The following NELL1 variants were observed in gnomAD, a reference collection of about 807,000 sequenced individuals.
The protein encoded by NELL1 is protein kinase C-binding protein NELL1.
In NELL1, 76 loss-of-function variants were observed where a neutral mutation model predicts 107.4. The ratio of observed to expected loss-of-function variants is 0.71; its 90% CI spans 0.59 to 0.86. The LOEUF is 0.86. NELL1 is among the 40% of genes least tolerant of loss of function. The pLI, the probability that NELL1 is intolerant of heterozygous loss-of-function variation, is 0.00. For synonymous variants in NELL1, 353 were observed against 341.2 expected (o/e 1.03, Z -0.38); for missense variants, 1,024 against 1,005.5 (o/e 1.02, Z -0.25).
intron 3 of NELL1, among the ~76,000 whole-genome samples, chr11:20,798,775 C>G (rs1857224330): frequency 6.6e-6 from 1 of 152,178 alleles, no homozygotes; most frequent in Admixed American, 6.5e-5. Context: ...CAATGAATAT[C>G]CATGAGACCA....
intron 14 of NELL1, among the ~76,000 whole-genome samples, chr11:21,232,159 A>AAAAAAATAT (rs1554985116): frequency 1.2e-4 from 9 of 73,202 alleles, no homozygotes; most frequent in African/African-American, 4.6e-4. Flanking sequence ...AAAAAAAAAA[A>AAAAAAATAT]ATATATATAT....
At chr11:21,043,329 T>C (rs1292143683) in intron 12 of NELL1, among the ~76,000 whole-genome samples, 3 of 152,098 alleles carry the variant, frequency 2.0e-5, no homozygotes, top group Non-Finnish European at 4.4e-5. Context: ...GAGATGGATA[T>C]TAAATGAGAA....
At chr11:21,339,354 G>T (rs146130711) in intron 14 of NELL1, among the ~76,000 whole-genome samples, 1,986 of 152,254 alleles carry the variant, frequency 0.013, 46 homozygotes, top group African/African-American at 0.045. Context: ...GCTAAGAAGA[G>T]TCAAGGAAAG....
At chr11:21,293,193 A>G (rs1849308007) in intron 14 of NELL1, among the ~76,000 whole-genome samples, 1 of 152,206 alleles carries the variant, frequency 6.6e-6, no homozygotes, top group Admixed American at 6.5e-5. Context: ...CAAAGGGCTA[A>G]TATCCAGAAT....
chr11:21,327,482 T>C (rs561760034), intron 14 of NELL1, among the ~76,000 whole-genome samples: 2 of 152,262 alleles, frequency 1.3e-5, no homozygotes, highest in African/African-American at 4.8e-5. Flanking sequence ...TCCCCAGTCA[T>C]GCTGAACTGT....
At chr11:21,437,828 C>CT (rs1190860056) in intron 15 of NELL1, among the ~76,000 whole-genome samples, 3 of 152,016 alleles carry the variant, frequency 2.0e-5, no homozygotes, top group Admixed American at 6.6e-5. Flanking sequence ...ATATTTGGGT[C>CT]TTTTTTTAAA....
intron 12 of NELL1, among the ~76,000 whole-genome samples, chr11:21,017,821 A>G: frequency 6.6e-6 from 1 of 152,076 alleles, no homozygotes; most frequent in Admixed American, 6.6e-5. Flanking sequence ...GGAGCTCCCC[A>G]TCTTTCTATC....
chr11:20,911,177 C>T (rs1346837107), intron 5 of NELL1, among the ~76,000 whole-genome samples: 1 of 152,188 alleles, frequency 6.6e-6, no homozygotes, highest in Non-Finnish European at 1.5e-5. Flanking sequence ...ATACCTGGTA[C>T]AGACAGATAA....
chr11:21,188,731 G>A (rs964713878), intron 13 of NELL1, among the ~76,000 whole-genome samples: 5 of 151,830 alleles, frequency 3.3e-5, no homozygotes, highest in Admixed American at 2.6e-4. Flanking sequence ...CCATTTACCT[G>A]CTCTGAAGTG....
At chr11:20,689,271 TTTTTTTA>T (rs922891790) in intron 2 of NELL1, among the ~76,000 whole-genome samples, 3 of 95,480 alleles carry the variant, frequency 3.1e-5, no homozygotes, top group Non-Finnish European at 4.7e-5. Context: ...GCAGAAGCCC[TTTTTTTA>T]TTTTTTATTT....
intron 2 of NELL1, among the ~76,000 whole-genome samples, chr11:20,768,009 G>A (rs556953926): frequency 7.9e-5 from 12 of 152,278 alleles, no homozygotes; most frequent in Admixed American, 5.2e-4. Context: ...TTACATTGGG[G>A]AAGGCTTCCC....
At chr11:20,703,991 G>A (rs1324622176) in intron 2 of NELL1, among the ~76,000 whole-genome samples, 2 of 152,186 alleles carry the variant, frequency 1.3e-5, no homozygotes, top group Non-Finnish European at 2.9e-5. Flanking sequence ...TTGATTTGGG[G>A]TGGAGAGTTC....
intron 4 of NELL1, among the ~76,000 whole-genome samples, chr11:20,865,900 C>A (rs1849086550): frequency 6.6e-6 from 1 of 152,110 alleles, no homozygotes; most frequent in South Asian, 2.1e-4. Context: ...CTGACTGTTA[C>A]ACATCCTAAG....
chr11:21,126,331 C>A (rs1373742300), intron 13 of NELL1, among the ~76,000 whole-genome samples: 2 of 151,458 alleles, frequency 1.3e-5, no homozygotes, highest in African/African-American at 2.4e-5. Context: ...TAAGCAAGCA[C>A]CTACTGTTGT....
chr11:20,793,085 A>G (rs2133993102), intron 3 of NELL1, among the ~76,000 whole-genome samples: 1 of 152,024 alleles, frequency 6.6e-6, no homozygotes. Context: ...AATATTTTGT[A>G]TAGAAAATAT....
chr11:20,708,609 A>G (rs780327575), intron 2 of NELL1, among the ~76,000 whole-genome samples: 5 of 151,938 alleles, frequency 3.3e-5, no homozygotes, highest in Non-Finnish European at 7.4e-5. Context: ...AGTTCCTTGT[A>G]GAGTCTGGAT....
chr11:21,164,802 C>A (rs1005516454), intron 13 of NELL1, among the ~76,000 whole-genome samples: 2 of 152,142 alleles, frequency 1.3e-5, no homozygotes, highest in African/African-American at 2.4e-5. Context: ...ACTCTGTTTC[C>A]TTTATGAAGC....
chr11:20,848,087 T>C (rs1848733235), intron 4 of NELL1, among the ~76,000 whole-genome samples: 1 of 152,154 alleles, frequency 6.6e-6, no homozygotes, highest in African/African-American at 2.4e-5. Context: ...CGGTGATGTA[T>C]TGTTGTTGAG....
chr11:20,682,240 T>A (rs986413085), intron 2 of NELL1, among the ~76,000 whole-genome samples: 2 of 152,000 alleles, frequency 1.3e-5, no homozygotes, highest in African/African-American at 4.8e-5. Context: ...TATTGTGCGC[T>A]GCATCTTTAA....
Sources: allele counts gnomAD v4.1 joint callset (sites outside exome capture counted in the v4.1 genomes callset), GRCh38; gene constraint gnomAD v4.1.1; transcripts MANE v1.5; gene names NCBI Gene and HGNC (gene_info 2026-07-23, HGNC 2026-07-21).